Variants in ZFHX3 observed in about 807,000 individuals in gnomAD.
The protein encoded by ZFHX3 is zinc finger homeobox protein 3.
A neutral mutation model predicts 279.1 loss-of-function variants in ZFHX3; 42 were observed. The observed-to-expected ratio is 0.15, with a 90% CI of 0.12 to 0.19. The LOEUF (loss-of-function observed/expected upper bound fraction) is 0.19, where lower values mean the gene tolerates loss of function less well. ZFHX3 is among the 10% of genes least tolerant of loss of function. The pLI, the probability that ZFHX3 is intolerant of heterozygous loss-of-function variation, is 1.00. For missense variants in ZFHX3, 4,981 were observed against 4,754.0 expected (o/e 1.05, Z -1.40); for synonymous variants, 2,293 against 1,957.8 (o/e 1.17, Z -4.52).
At chr16:73,458,358 TTTCCTCCCTCC>T (rs1487165209) in intron 2 of ZFHX3, among the ~76,000 whole-genome samples, 7 of 116,652 alleles carry the variant, frequency 6.0e-5, no homozygotes, top group Non-Finnish European at 1.2e-4. Context: ...CCCTTCCTCC[TTTCCTCCCTCC>T]TTCCTCCCTC....
Position 73,801,355 on chromosome 16 carries a change from G to T in ZFHX3, c.-1608+90296C>A, listed in dbSNP as rs565149972. Among the ~76,000 whole-genome samples, 336 of 152,226 alleles carry T rather than the reference G, an allele frequency of 2.2e-3. 1 individual carries two copies. The highest frequency in any genetic ancestry group is 3.5e-3 in the Non-Finnish European group (240 of 68,008). On this transcript the variant is annotated intron_variant, in intron 1 of 17. Transcript: ENST00000641206. ...ATACATATTTTCTGAACGAATAAAT[G>T]AAACAATATAATCCTCCTTAGGTAG... is the stretch of plus-strand genomic sequence containing the variant.
intron 1 of ZFHX3, among the ~76,000 whole-genome samples, chr16:73,848,278 T>G (rs1961502737): frequency 6.6e-6 from 1 of 152,078 alleles, no homozygotes; most frequent in South Asian, 2.1e-4. Flanking sequence ...TAGACTCTCT[T>G]AGGAGCACTC....
intron 4 of ZFHX3, among the ~76,000 whole-genome samples, chr16:73,280,641 A>G (rs1156438457): frequency 6.6e-6 from 1 of 152,110 alleles, no homozygotes; most frequent in African/African-American, 2.4e-5. Flanking sequence ...AAAACCTTGT[A>G]TATTACTGGT....
At chr16:73,105,436 C>CACATATATATATATATATATAT (rs1966290143) in intron 7 of ZFHX3, among the ~76,000 whole-genome samples, 1 of 83,956 alleles carries the variant, frequency 1.2e-5, no homozygotes, top group African/African-American at 5.6e-5. Context: ...TATATATACA[C>CACATATATATATATATATATAT]ACACACACAT....
chr16:73,108,410 A>T (rs1966331216), intron 7 of ZFHX3, among the ~76,000 whole-genome samples: 2 of 151,186 alleles, frequency 1.3e-5, no homozygotes, highest in African/African-American at 4.9e-5. Context: ...GATGTATATT[A>T]TTTTTTGTTT....
At chr16:73,491,450 A>C (rs565615065) in intron 2 of ZFHX3, among the ~76,000 whole-genome samples, 2 of 152,376 alleles carry the variant, frequency 1.3e-5, no homozygotes, top group Admixed American at 1.3e-4. Context: ...TAAAATAAAC[A>C]TAATGAAGCT....
At chr16:73,138,113 C>T (rs1049589661) in intron 6 of ZFHX3, among the ~76,000 whole-genome samples, 2 of 152,194 alleles carry the variant, frequency 1.3e-5, no homozygotes, top group Non-Finnish European at 2.9e-5. Context: ...CTAAGACATA[C>T]ATCTGCATTC....
At chr16:73,572,773 A>G (rs926333520) in intron 2 of ZFHX3, among the ~76,000 whole-genome samples, 5 of 152,176 alleles carry the variant, frequency 3.3e-5, no homozygotes, top group Non-Finnish European at 2.9e-5. Flanking sequence ...GCATTTCAAA[A>G]ATAAAATCAT....
chr16:73,289,455 A>G (rs549564738), intron 4 of ZFHX3, among the ~76,000 whole-genome samples: 28 of 152,166 alleles, frequency 1.8e-4, no homozygotes, highest in Admixed American at 1.6e-3. Context: ...AAGGTGGGGA[A>G]AAAACCTGGC....
At chr16:73,682,904 AAGAGAAAGAAAGAG>A (rs1344664684) in intron 1 of ZFHX3, among the ~76,000 whole-genome samples, 711 of 44,712 alleles carry the variant, frequency 0.016, 37 homozygotes, top group Admixed American at 0.025. Context: ...GAAAGAAAGA[AAGAGAAAGAAAGAG>A]AGAAAGAGAA....
intron 1 of ZFHX3, among the ~76,000 whole-genome samples, chr16:73,054,268 T>C (rs1024273416): frequency 1.3e-5 from 2 of 152,118 alleles, no homozygotes; most frequent in Admixed American, 6.5e-5. Context: ...TTCTGTTACA[T>C]AATAATATGA....
At chr16:72,824,645 C>T in intron 5 of ZFHX3, among the ~76,000 whole-genome samples, 1 of 152,168 alleles carries the variant, frequency 6.6e-6, no homozygotes, top group Non-Finnish European at 1.5e-5. Flanking sequence ...TGGCTGGAAA[C>T]CATGACGACT....
chr16:73,197,413 C>A (rs1298470206), intron 5 of ZFHX3, among the ~76,000 whole-genome samples: 2 of 152,116 alleles, frequency 1.3e-5, no homozygotes, highest in Admixed American at 6.5e-5. Flanking sequence ...GGTCCAAGTA[C>A]CATGTCTGTT....
rs544605161 is a variant in ZFHX3 at position 73,385,220 on chromosome 16, C to T, written c.-1290-66884G>A. Among the ~76,000 whole-genome samples the T allele has an allele frequency of 7.9e-5, 12 of 152,302 alleles. 1 individual carries two copies. The South Asian group carries it at 2.5e-3, about 32-fold the overall frequency. On this transcript the variant is annotated intron_variant, in intron 3 of 17. Coordinates refer to the ZFHX3 transcript ENST00000641206. ...GGTTTTTCAGTTATATGAGCCCACA[C>T]ATCCCTTTTTGCTTCTGCCATTTAG...
intron 3 of ZFHX3, among the ~76,000 whole-genome samples, chr16:73,444,774 C>G (rs1360941843): frequency 1.3e-5 from 2 of 152,058 alleles, no homozygotes; most frequent in Non-Finnish European, 2.9e-5. Flanking sequence ...GCATGCAACA[C>G]CATGCATGTT....
intron 4 of ZFHX3, among the ~76,000 whole-genome samples, chr16:73,261,964 G>A (rs1159308947): frequency 2.0e-5 from 3 of 152,014 alleles, no homozygotes; most frequent in Non-Finnish European, 2.9e-5. Flanking sequence ...CGTGAGCTAC[G>A]GCACCCAGCC....
intron 1 of ZFHX3, among the ~76,000 whole-genome samples, chr16:73,710,269 G>C (rs2053346101): frequency 6.6e-6 from 1 of 152,168 alleles, no homozygotes; most frequent in South Asian, 2.1e-4. Flanking sequence ...CCATTTAGCT[G>C]TTATACTTAT....
chr16:73,330,376 G>A (rs1035845400), intron 3 of ZFHX3, among the ~76,000 whole-genome samples: 16 of 152,186 alleles, frequency 1.1e-4, no homozygotes, highest in Admixed American at 5.2e-4. Flanking sequence ...TTAAAAAGGG[G>A]ATTGATTACA....
intron 3 of ZFHX3, among the ~76,000 whole-genome samples, chr16:73,336,662 T>C (rs1244807563): frequency 6.6e-6 from 1 of 152,124 alleles, no homozygotes; most frequent in East Asian, 1.9e-4. Flanking sequence ...GTTGATTCCA[T>C]GTCTTTGCTA....
Sources: gnomAD v4.1 joint callset for allele counts (sites outside exome capture counted in the v4.1 genomes callset) on GRCh38, gnomAD v4.1.1 for gene constraint, MANE v1.5 for transcripts, NCBI Gene and HGNC (gene_info 2026-07-23, HGNC 2026-07-21) for gene names.